The following APBA2 variants were observed in gnomAD, a reference collection of about 807,000 sequenced individuals.
APBA2 encodes amyloid-beta A4 precursor protein-binding family A member 2.
APBA2 carries 30 observed loss-of-function variants against 75.0 expected under a neutral mutation model. That is an observed-to-expected ratio of 0.40 (90% confidence interval 0.30 to 0.54). The LOEUF (loss-of-function observed/expected upper bound fraction) is 0.54. Among genes scored for constraint, APBA2 ranks in the 20% least tolerant of loss-of-function variants. APBA2 has a pLI of 0.49. For synonymous variants in APBA2, 444 were observed against 409.6 expected, an observed-to-expected ratio of 1.08 and a Z score of -1.01; for missense variants, 801 against 1,016.1, an observed-to-expected ratio of 0.79 and a Z score of 2.88.
chr15:28,888,233 G>T (rs569487575), intron 1 of APBA2, among the ~76,000 whole-genome samples: 21 of 152,308 alleles, frequency 1.4e-4, no homozygotes, highest in Non-Finnish European at 2.8e-4. Flanking sequence ...TGCCAACTGA[G>T]CTAAGAAATA....
chr15:28,903,730 AT>A (rs2032993093), intron 1 of APBA2, among the ~76,000 whole-genome samples: 1 of 152,176 alleles, frequency 6.6e-6, no homozygotes, highest in Non-Finnish European at 1.5e-5. Flanking sequence ...ACTTTGCAAG[AT>A]GATGTGAGTC....
In APBA2 at chr15:28,991,756, A is replaced by G. The variant is rs2038244324; in HGVS notation, c.-94-3997A>G. Among the ~76,000 whole-genome samples the G allele has an allele frequency of 6.6e-6, 1 of 151,772 alleles. No homozygotes were observed. On this transcript the variant is annotated intron_variant, in intron 2 of 14. Coordinates refer to ENST00000683413, the MANE Select transcript of APBA2 (RefSeq NM_001353788.2). The surrounding 1 kb of genome is among the most constrained non-coding windows in gnomAD (Gnocchi z 4.7). ...TGGTGCTCAGCACAGACCCCTTCCAACCCATCCCAGGGCCTCTGCTCAGTG... is the reference window on the plus strand; with the variant it reads ...TGGTGCTCAGCACAGACCCCTTCCAGCCCATCCCAGGGCCTCTGCTCAGTG...
At chr15:29,096,503 A>T (rs937707762) in intron 8 of APBA2, among the ~76,000 whole-genome samples, 1 of 152,266 alleles carries the variant, frequency 6.6e-6, no homozygotes, top group Non-Finnish European at 1.5e-5. Context: ...CTTTAAATGC[A>T]TGCTGATGCT....
intron 3 of APBA2, among the ~76,000 whole-genome samples, chr15:29,015,308 G>C (rs1042737548): frequency 2.6e-5 from 4 of 152,186 alleles, no homozygotes; most frequent in Non-Finnish European, 5.9e-5. Context: ...CTGTCAATGA[G>C]TGCCTGGGGT....
intron 9 of APBA2, 114 bp downstream of exon 9, chr15:29,098,690 C>A: frequency 1.1e-6 from 1 of 916,202 alleles, no homozygotes; most frequent in South Asian, 1.4e-5. Flanking sequence ...TCTCTGCGCC[C>A]ATCAACCCAA....
chr15:29,018,889 C>G (rs1226743830), intron 3 of APBA2, among the ~76,000 whole-genome samples: 2 of 152,186 alleles, frequency 1.3e-5, no homozygotes, highest in African/African-American at 4.8e-5. Context: ...CACACCTTCT[C>G]TTGGAGTTTT....
intron 3 of APBA2, among the ~76,000 whole-genome samples, chr15:29,039,218 AGGGGG>A (rs1370033171): frequency 6.7e-6 from 1 of 148,982 alleles, no homozygotes; most frequent in Non-Finnish European, 1.5e-5. Flanking sequence ...GATTCCTGTG[AGGGGG>A]TCAGACAGGG....
rs185477793 is a variant in APBA2 at position 29,113,239 on chromosome 15, C to T, written c.2038-637C>T. ...CCATCTGTTTGGCGTCACTTTTAGGCTGGAATGGAAGCCCCCACCGCTGCA... is the reference window on the plus strand; with the variant it reads ...CCATCTGTTTGGCGTCACTTTTAGGTTGGAATGGAAGCCCCCACCGCTGCA... On this transcript the variant is annotated intron_variant, in intron 13 of 14. Coordinates refer to ENST00000683413, the MANE Select transcript of APBA2 (RefSeq NM_001353788.2). Among the ~76,000 whole-genome samples the T allele has an allele frequency of 4.0e-3, 608 of 152,150 alleles. 2 individuals carry two copies. The highest frequency in any genetic ancestry group is 0.014 in the Middle Eastern group (4 of 294).
At chr15:29,037,744 G>T (rs1476028407) in intron 3 of APBA2, among the ~76,000 whole-genome samples, 1 of 152,130 alleles carries the variant, frequency 6.6e-6, no homozygotes, top group Non-Finnish European at 1.5e-5. Context: ...CTGGAGGTTG[G>T]GAAGTCCAAG....
intron 2 of APBA2, among the ~76,000 whole-genome samples, chr15:28,969,128 T>TTCTCTTTCTTTC (rs755972827): frequency 2.0e-4 from 27 of 137,026 alleles, no homozygotes; most frequent in Admixed American, 1.4e-3. Flanking sequence ...TTTCATTTCT[T>TTCTCTTTCTTTC]TTTCTTTCTT....
chr15:28,913,669 G>A (rs1052346168), intron 1 of APBA2, among the ~76,000 whole-genome samples: 1 of 152,206 alleles, frequency 6.6e-6, no homozygotes, highest in African/African-American at 2.4e-5. Context: ...TTAGGGGTTG[G>A]TGCCATAGCA....
At chr15:28,961,099 A>C (rs2036445700) in intron 2 of APBA2, among the ~76,000 whole-genome samples, 2 of 152,180 alleles carry the variant, frequency 1.3e-5, no homozygotes. Context: ...CAGGGAGATG[A>C]TGAGTCACAC....
intron 3 of APBA2, among the ~76,000 whole-genome samples, chr15:29,007,028 A>G (rs1327624738): frequency 6.6e-6 from 1 of 152,258 alleles, no homozygotes; most frequent in African/African-American, 2.4e-5. Flanking sequence ...AGCTGTAGTC[A>G]TCAAAACAAT....
At chr15:29,016,112 C>G (rs951039043) in intron 3 of APBA2, among the ~76,000 whole-genome samples, 2 of 152,156 alleles carry the variant, frequency 1.3e-5, no homozygotes, top group African/African-American at 4.8e-5. Flanking sequence ...CAAAAATTAG[C>G]TGGGCATTGT....
At chr15:28,906,355 T>G (rs191400106) in intron 1 of APBA2, among the ~76,000 whole-genome samples, 1 of 152,336 alleles carries the variant, frequency 6.6e-6, no homozygotes, top group Non-Finnish European at 1.5e-5. Context: ...AGCAGCATTA[T>G]TCTCTCTGAC....
chr15:28,901,945 T>TGTGTGTGTGTGTG (rs546149569), intron 1 of APBA2, among the ~76,000 whole-genome samples: 128 of 140,724 alleles, frequency 9.1e-4, no homozygotes, highest in Non-Finnish European at 1.2e-3. Context: ...TGTGTGTATG[T>TGTGTGTGTGTGTG]TGGGGGTCTG....
chr15:28,908,389 C>T (rs1470985733), intron 1 of APBA2, among the ~76,000 whole-genome samples: 4 of 150,892 alleles, frequency 2.7e-5, no homozygotes, highest in African/African-American at 9.9e-5. Context: ...CGGCTCACTG[C>T]AAGCTCCGCC....
chr15:29,061,068 C>G (rs1027736655), intron 4 of APBA2, among the ~76,000 whole-genome samples: 5 of 152,150 alleles, frequency 3.3e-5, no homozygotes, highest in Admixed American at 1.3e-4. Flanking sequence ...ACCCACACTC[C>G]TGGGGGGCAC....
chr15:28,886,421 GTGGC>G (rs1483081747), intron 1 of APBA2, 143 bp downstream of exon 1: 9 of 151,218 alleles, frequency 6.0e-5, no homozygotes, highest in African/African-American at 2.2e-4. Flanking sequence ...CCGACTCAGC[GTGGC>G]TGCGGGGCGG....
Sources: gnomAD v4.1 joint callset for allele counts (sites outside exome capture counted in the v4.1 genomes callset) on GRCh38, gnomAD v4.1.1 for gene constraint, Gnocchi (gnomAD v3.1) non-coding constraint, MANE v1.5 for transcripts, NCBI Gene and HGNC (gene_info 2026-07-23, HGNC 2026-07-21) for gene names.